ZNF385D: variants seen among roughly 807,000 people sequenced by gnomAD.
The protein encoded by ZNF385D is zinc finger protein 385D, also known as zinc finger protein 659.
A neutral mutation model predicts 35.8 loss-of-function variants in ZNF385D; 15 were observed. The observed-to-expected ratio is 0.42, with a 90% confidence interval of 0.28 to 0.64. ZNF385D has a LOEUF of 0.64. Ranked by LOEUF, ZNF385D falls within the 30% of genes least tolerant of loss-of-function variation. ZNF385D has a pLI of 0.23. For missense variants in ZNF385D, 474 were observed against 494.6 expected (o/e 0.96, Z 0.39); for synonymous variants, 212 against 186.8 (o/e 1.13, Z -1.10).
At chr3:21,903,305 G>T (rs980622103) in intron 3 of ZNF385D, among the ~76,000 whole-genome samples, 6 of 152,156 alleles carry the variant, frequency 3.9e-5, no homozygotes, top group Non-Finnish European at 4.4e-5. Flanking sequence ...AGATGAGTAT[G>T]AGGAGACTTA....
intron 2 of ZNF385D, among the ~76,000 whole-genome samples, chr3:22,239,087 A>G (rs1258397880): frequency 2.0e-5 from 3 of 150,998 alleles, no homozygotes; most frequent in African/African-American, 7.4e-5. Flanking sequence ...CTAGAATTCA[A>G]TTCCAAAGCC....
intron 1 of ZNF385D, among the ~76,000 whole-genome samples, chr3:21,678,396 C>A (rs1293517113): frequency 6.6e-6 from 1 of 152,106 alleles, no homozygotes; most frequent in Non-Finnish European, 1.5e-5. Context: ...TCCAATGTGA[C>A]TGAATGCCTT....
At position 22,300,071 on chromosome 3, in the gene ZNF385D, T is replaced by C. The variant is rs1441012158; in HGVS notation, c.106+72379A>G. The stretch of plus-strand genomic sequence containing the variant: ...GACTTTAAAATATACTATAAAGCTA[T>C]AGTAATCAAAACAGCATGGTACTGG... On this transcript the variant is annotated intron_variant, in intron 2 of 5. Transcript: ENST00000494108. Among the ~76,000 whole-genome samples, 5 of 151,974 alleles carry C rather than the reference T, an allele frequency of 3.3e-5. No individual in the cohort carries two copies. In the East Asian group the frequency reaches 9.7e-4, roughly 29 times the overall value.
intron 3 of ZNF385D, among the ~76,000 whole-genome samples, chr3:21,966,586 T>C (rs1702926717): frequency 1.3e-5 from 2 of 152,106 alleles, no homozygotes; most frequent in Admixed American, 6.5e-5. Context: ...TACTTCTTGT[T>C]TGTTTGTTTG....
chr3:21,897,812 C>A lies in ZNF385D; in HGVS notation c.326-232784G>T, dbSNP rs183763271. Among the ~76,000 whole-genome samples the A allele has an allele frequency of 2.0e-5, 3 of 152,120 alleles. No homozygotes were observed. In the East Asian group the frequency reaches 5.8e-4, roughly 29 times the overall value. On this transcript the variant is annotated intron_variant, in intron 3 of 5. Transcript: ENST00000494108. ...TCATATAGATGCATTCATGTGATCACCATATTAATTTAACCAAGACTGAGA... is the reference window on the plus strand; with the variant it reads ...TCATATAGATGCATTCATGTGATCAACATATTAATTTAACCAAGACTGAGA...
At chr3:22,110,427 G>C (rs1434458969) in intron 3 of ZNF385D, among the ~76,000 whole-genome samples, 1 of 152,040 alleles carries the variant, frequency 6.6e-6, no homozygotes, top group Non-Finnish European at 1.5e-5. Flanking sequence ...AGAAAATGTG[G>C]CACATATACA....
intron 3 of ZNF385D, among the ~76,000 whole-genome samples, chr3:22,089,222 C>G (rs918295530): frequency 6.6e-6 from 1 of 152,156 alleles, no homozygotes; most frequent in African/African-American, 2.4e-5. Flanking sequence ...AAATACTCTC[C>G]TACTTTCTTC....
chr3:21,736,654 T>C (rs1018456596), intron 1 of ZNF385D, among the ~76,000 whole-genome samples: 1 of 152,204 alleles, frequency 6.6e-6, no homozygotes, highest in African/African-American at 2.4e-5. Context: ...CACTGCCTTT[T>C]TGAATAACCA....
At chr3:21,755,272 T>C (rs1334584903), upstream of ZNF385D, among the ~76,000 whole-genome samples, 2 of 152,218 alleles carry the variant, frequency 1.3e-5, no homozygotes, top group Non-Finnish European at 2.9e-5. Flanking sequence ...TCATTCTCCA[T>C]ATTAGATCCA....
intron 3 of ZNF385D, among the ~76,000 whole-genome samples, chr3:22,167,225 A>G (rs1706394335): frequency 1.3e-5 from 2 of 152,072 alleles, no homozygotes. Context: ...TACCTATTTT[A>G]CAAATACCAA....
chr3:22,000,088 G>A (rs1184383308), intron 3 of ZNF385D, among the ~76,000 whole-genome samples: 2 of 152,034 alleles, frequency 1.3e-5, no homozygotes, highest in African/African-American at 4.8e-5. Flanking sequence ...GGCAGATCAT[G>A]AGCTCAGGAG....
At chr3:22,042,108 T>G (rs189426240) in intron 3 of ZNF385D, among the ~76,000 whole-genome samples, 239 of 152,218 alleles carry the variant, frequency 1.6e-3, no homozygotes, top group African/African-American at 5.5e-3. Context: ...GGGTCAAACA[T>G]GGGACTAGAA....
At chr3:21,566,942 A>ATAGAG (rs1424020030) in intron 2 of ZNF385D, among the ~76,000 whole-genome samples, 4 of 152,140 alleles carry the variant, frequency 2.6e-5, no homozygotes, top group Non-Finnish European at 5.9e-5. Flanking sequence ...AAATGTTATC[A>ATAGAG]TAGAGTATGT....
chr3:21,723,569 T>C (rs1250357320), intron 1 of ZNF385D, among the ~76,000 whole-genome samples: 1 of 152,070 alleles, frequency 6.6e-6, no homozygotes, highest in African/African-American at 2.4e-5. Context: ...TGAAGATCGA[T>C]TTAATGAAAT....
At chr3:22,249,136 T>G (rs1699938728) in intron 2 of ZNF385D, among the ~76,000 whole-genome samples, 1 of 152,144 alleles carries the variant, frequency 6.6e-6, no homozygotes, top group South Asian at 2.1e-4. Flanking sequence ...TTGGACTAGA[T>G]AAGCCAAGCC....
chr3:21,603,760 G>C (rs1435323334), intron 2 of ZNF385D, among the ~76,000 whole-genome samples: 1 of 152,150 alleles, frequency 6.6e-6, no homozygotes, highest in Non-Finnish European at 1.5e-5. Context: ...AAGGTGGTGG[G>C]AGTCATGGGA....
At chr3:21,807,140 A>C (rs186571082) in intron 3 of ZNF385D, among the ~76,000 whole-genome samples, 1 of 152,242 alleles carries the variant, frequency 6.6e-6, no homozygotes, top group East Asian at 1.9e-4. Flanking sequence ...ATCTTCTAAA[A>C]GTTGAAATTA....
intron 2 of ZNF385D, among the ~76,000 whole-genome samples, chr3:22,351,784 A>T (rs1695927658): frequency 6.6e-6 from 1 of 152,204 alleles, no homozygotes; most frequent in Admixed American, 6.5e-5. Context: ...CAAAATTCAT[A>T]ATCCAGAGAT....
At chr3:22,111,390 G>C (rs1455775390) in intron 3 of ZNF385D, among the ~76,000 whole-genome samples, 5 of 151,868 alleles carry the variant, frequency 3.3e-5, no homozygotes, top group Admixed American at 2.6e-4. Context: ...GCAGTAATCA[G>C]GATGAGGACA....
Sources: allele counts gnomAD v4.1 joint callset (sites outside exome capture counted in the v4.1 genomes callset), GRCh38; gene constraint gnomAD v4.1.1; transcripts MANE v1.5; gene names NCBI Gene and HGNC (gene_info 2026-07-23, HGNC 2026-07-21).